The following CEP97 variants were observed in gnomAD, a reference collection of about 807,000 sequenced individuals.
The protein encoded by CEP97 is centrosomal protein of 97 kDa.
CEP97 carries 43 observed loss-of-function variants against 73.1 expected under a neutral mutation model. The ratio of observed to expected loss-of-function variants is 0.59; its 90% confidence interval spans 0.46 to 0.76. The LOEUF (loss-of-function observed/expected upper bound fraction) is 0.76. Ranked by LOEUF, CEP97 falls within the 30% of genes least tolerant of loss-of-function variation. The probability of loss-of-function intolerance (pLI) is 0.00; values close to 1 mark genes in which losing one functional copy is unlikely to be tolerated. For missense variants in CEP97, 939 were observed against 1,014.0 expected, an observed-to-expected ratio of 0.93 and a Z score of 1.00; for synonymous variants, 337 against 370.0, an observed-to-expected ratio of 0.91 and a Z score of 1.02.
intron 3 of CEP97, among the ~76,000 whole-genome samples, 167 bp downstream of exon 3, chr3:101,727,708 A>G (rs72935874): frequency 0.01 from 1,553 of 152,352 alleles, 22 homozygotes; most frequent in African/African-American, 0.036. Context: ...ATAATATGAC[A>G]TAATATTCTT....
At chr3:101,751,073 C>G (rs1938797728) in intron 6 of CEP97, among the ~76,000 whole-genome samples, 1 of 152,178 alleles carries the variant, frequency 6.6e-6, no homozygotes. Flanking sequence ...TCCCTCTACA[C>G]ACTGCTTTGA....
At chr3:101,763,201 C>A in intron 10 of CEP97, 1 of 1,235,926 alleles carries the variant, frequency 8.1e-7, no homozygotes. Context: ...GCCACATCAC[C>A]TGGCCAAATT....
chr3:101,742,867 T>C (rs752119981), intron 6 of CEP97, among the ~76,000 whole-genome samples: 10 of 151,728 alleles, frequency 6.6e-5, no homozygotes, highest in Non-Finnish European at 1.2e-4. Flanking sequence ...AATAAATAAA[T>C]AAAGAATTGT....
At chr3:101,727,606 T>G (rs1335906469) in intron 3 of CEP97, 65 bp downstream of exon 3, 1 of 1,451,418 alleles carries the variant, frequency 6.9e-7, no homozygotes, top group East Asian at 2.4e-5. Context: ...AATGTAGAAA[T>G]AAGTCAAATT....
At chr3:101,748,821 T>C (rs1184738927) in intron 6 of CEP97, among the ~76,000 whole-genome samples, 1 of 152,118 alleles carries the variant, frequency 6.6e-6, no homozygotes, top group Non-Finnish European at 1.5e-5. Context: ...TTTGTATTTT[T>C]AGTAGAGACG....
At chr3:101,730,945 A>G (rs139137888) in intron 4 of CEP97, among the ~76,000 whole-genome samples, 1 of 151,892 alleles carries the variant, frequency 6.6e-6, no homozygotes, top group Non-Finnish European at 1.5e-5. Flanking sequence ...AATGAACCAA[A>G]GATGATTGAA....
intron 6 of CEP97, among the ~76,000 whole-genome samples, chr3:101,753,384 G>A (rs1475772927): frequency 1.6e-4 from 25 of 152,330 alleles, no homozygotes; most frequent in African/African-American, 4.1e-4. Context: ...CAGTCTGCCC[G>A]TTCTCAGATC....
chr3:101,738,650 C>T (rs1458716169), intron 6 of CEP97, among the ~76,000 whole-genome samples: 1 of 152,134 alleles, frequency 6.6e-6, no homozygotes, highest in Non-Finnish European at 1.5e-5. Context: ...AACAAAGACA[C>T]AACATCCCAG....
chr3:101,750,604 T>A (rs1163779074), intron 6 of CEP97, among the ~76,000 whole-genome samples: 1 of 152,252 alleles, frequency 6.6e-6, no homozygotes, highest in East Asian at 1.9e-4. Flanking sequence ...GTTATTGGTC[T>A]GTTCAGAGAT....
Position 101,754,137 on chromosome 3 carries a change from C to T in CEP97, c.729-1293C>T, listed in dbSNP as rs1022466464. On this transcript the variant is annotated intron_variant, in intron 6 of 10. Coordinates refer to ENST00000341893, the MANE Select transcript of CEP97 (RefSeq NM_024548.4). Reference sequence around the variant, plus strand: ...TCCTGGGCTCAAGCAATCCTCCCACCGCAGCCCCACAAAGTGCTGGGATTA... The same window carrying T: ...TCCTGGGCTCAAGCAATCCTCCCACTGCAGCCCCACAAAGTGCTGGGATTA... 8.6e-5 allele frequency among the ~76,000 whole-genome samples: 13 copies of T among 150,938 alleles called. No individual in the cohort carries two copies. In the East Asian group the frequency reaches 2.0e-3, roughly 23 times the overall value.
chr3:101,757,856 C>G lies in CEP97; in HGVS notation c.1250C>G (p.Pro417Arg). 1 of 1,614,238 alleles carries G rather than the reference C, an allele frequency of 6.2e-7. No homozygotes were observed. ...GCATCAGGACTGTCTCCACTATCACCTACAGTTGAGCTGAGGCTGCAGGGC... is the reference window on the plus strand; with the variant it reads ...GCATCAGGACTGTCTCCACTATCACGTACAGTTGAGCTGAGGCTGCAGGGC... ...PVASGLSPLS[P>R]TVELRLQGIN... is the part of the protein sequence containing the mutation. The change falls in exon 9 of 11, where the codon CCT becomes CGT. Residue 417 changes from proline to arginine, a missense_variant. Physicochemically the swap from Pro to Arg is moderately radical, Grantham distance 103. Transcript: ENST00000341893.
At chr3:101,747,353 G>A (rs564906658) in intron 6 of CEP97, among the ~76,000 whole-genome samples, 8 of 135,626 alleles carry the variant, frequency 5.9e-5, no homozygotes, top group South Asian at 2.3e-4. Flanking sequence ...TCTGCCTCCC[G>A]TATTCTGGCC....
chr3:101,753,953 C>T (rs566163447), intron 6 of CEP97, among the ~76,000 whole-genome samples: 12 of 152,218 alleles, frequency 7.9e-5, no homozygotes, highest in African/African-American at 1.7e-4. Flanking sequence ...GGGATGAACC[C>T]GGTACCTCAG....
chr3:101,753,187 C>T (rs1938889499), intron 6 of CEP97, among the ~76,000 whole-genome samples: 3 of 152,188 alleles, frequency 2.0e-5, no homozygotes, highest in African/African-American at 4.8e-5. Flanking sequence ...TGGGTAACAG[C>T]AGTGGTGGCT....
intron 6 of CEP97, among the ~76,000 whole-genome samples, chr3:101,747,808 C>T (rs538508764): frequency 6.6e-6 from 1 of 151,164 alleles, no homozygotes; most frequent in South Asian, 2.1e-4. Flanking sequence ...AGAGTGGAAT[C>T]ATAATGCAAT....
chr3:101,760,393 A>G (rs544634526), intron 9 of CEP97, among the ~76,000 whole-genome samples: 37 of 152,322 alleles, frequency 2.4e-4, no homozygotes, highest in African/African-American at 7.9e-4. Flanking sequence ...GATTTTCATC[A>G]GCAATTCTTA....
chr3:101,756,925 T>A, intron 7 of CEP97, 138 bp from the exon 8 acceptor site: 1 of 733,068 alleles, frequency 1.4e-6, no homozygotes, highest in Admixed American at 3.3e-5. Flanking sequence ...AAATGAGGAT[T>A]TATAATTTGG....
Position 101,757,691 on chromosome 3 carries a change from T to A in CEP97, c.1085T>A (p.Phe362Tyr), listed in dbSNP as rs770867782. ...VGINSNDDQLFAVKNNFPASV... is the reference protein window; with the variant it reads ...VGINSNDDQLYAVKNNFPASV... The stretch of plus-strand genomic sequence containing the variant: ...ATAAACAGTAATGATGATCAGTTAT[T>A]TGCGGTTAAGAATAATTTTCCAGCC... The change falls in exon 9 of 11, where the codon TTT becomes TAT. Residue 362 changes from phenylalanine to tyrosine, a missense_variant. By Grantham distance (22) the Phe-to-Tyr change is conservative. Transcript: ENST00000341893. 5.0e-6 allele frequency: 8 copies of A among 1,614,088 alleles called. No individual in the cohort carries two copies. The highest frequency in any genetic ancestry group is 1.7e-6 in the Non-Finnish European group (2 of 1,180,046).
intron 6 of CEP97, among the ~76,000 whole-genome samples, chr3:101,752,277 T>C (rs1394818560): frequency 6.6e-6 from 1 of 152,258 alleles, no homozygotes; most frequent in Non-Finnish European, 1.5e-5. Flanking sequence ...GTTAGTCTGA[T>C]GGGCTTCCCT....
Sources: gnomAD v4.1 joint callset for allele counts (sites outside exome capture counted in the v4.1 genomes callset) on GRCh38, gnomAD v4.1.1 for gene constraint, MANE v1.5 for transcripts, NCBI Gene and HGNC (gene_info 2026-07-23, HGNC 2026-07-21) for gene names.